The following TOX variants were observed in gnomAD, a reference collection of about 807,000 sequenced individuals.
TOX encodes the protein thymocyte selection-associated high mobility group box protein TOX.
A neutral mutation model predicts 53.7 loss-of-function variants in TOX; 11 were observed. The ratio of observed to expected loss-of-function variants is 0.20; its 90% CI spans 0.13 to 0.34. TOX has a LOEUF of 0.34. Among genes scored for constraint, TOX ranks in the 10% least tolerant of loss-of-function variants. The probability of loss-of-function intolerance (pLI) is 1.00; values close to 1 mark genes in which losing one functional copy is unlikely to be tolerated. For synonymous variants in TOX, 225 were observed against 245.3 expected (o/e 0.92, Z 0.77); for missense variants, 570 against 664.6 (o/e 0.86, Z 1.56).
intron 6 of TOX, among the ~76,000 whole-genome samples, chr8:58,816,063 A>G (rs1231248177): frequency 1.3e-5 from 2 of 152,210 alleles, no homozygotes; most frequent in East Asian, 3.8e-4. Context: ...TGAATGCCCA[A>G]ATGGGAAACA....
rs562580816 is a variant in TOX at position 59,035,104 on chromosome 8, G to A, written c.103-75096C>T. Among the ~76,000 whole-genome samples the A allele has an allele frequency of 3.3e-5, 5 of 152,270 alleles. No individual in the cohort carries two copies. In the East Asian group the frequency reaches 7.7e-4, roughly 23 times the overall value. On this transcript the variant is annotated intron_variant, in intron 1 of 8. Transcript: ENST00000361421. ...TTCTAACTGCACCGCAACCACCCCA[G>A]TTTATCTTGAGTGCCACTTTCACAG... is the stretch of plus-strand genomic sequence containing the variant.
chr8:59,002,435 A>AT (rs532371784), intron 1 of TOX, among the ~76,000 whole-genome samples: 250 of 151,598 alleles, frequency 1.6e-3, no homozygotes, highest in South Asian at 8.5e-3. Flanking sequence ...TACTAAAAAT[A>AT]CAAAAAATTA....
chr8:59,063,591 T>G (rs1009881943), intron 1 of TOX, among the ~76,000 whole-genome samples: 3 of 152,078 alleles, frequency 2.0e-5, no homozygotes, highest in African/African-American at 4.8e-5. Flanking sequence ...GCCGGGCTAA[T>G]TTTTTATATT....
intron 1 of TOX, among the ~76,000 whole-genome samples, chr8:58,980,289 C>A (rs945493367): frequency 1.3e-5 from 2 of 152,148 alleles, no homozygotes; most frequent in Admixed American, 1.3e-4. Flanking sequence ...ATGGACTGTT[C>A]TCTAACACAG....
intron 3 of TOX, among the ~76,000 whole-genome samples, chr8:58,908,548 G>C (rs1044615245): frequency 6.6e-5 from 10 of 152,120 alleles, no homozygotes; most frequent in African/African-American, 2.2e-4. Context: ...AGGCATTCTT[G>C]AATACTGCTG....
intron 3 of TOX, among the ~76,000 whole-genome samples, chr8:58,898,499 A>C (rs16924220): frequency 0.011 from 1,680 of 152,290 alleles, 38 homozygotes; most frequent in African/African-American, 0.038. Context: ...ACTGTTTCTC[A>C]GTTTGAGGAA....
chr8:59,111,958 A>G (rs1391301227), intron 1 of TOX, among the ~76,000 whole-genome samples: 1 of 152,230 alleles, frequency 6.6e-6, no homozygotes, highest in Non-Finnish European at 1.5e-5. Flanking sequence ...CCCTGGTTTC[A>G]TGACCTTTGA....
intron 3 of TOX, among the ~76,000 whole-genome samples, chr8:58,891,617 G>C (rs1441269663): frequency 6.6e-6 from 1 of 152,156 alleles, no homozygotes. Context: ...TGAAAACAGA[G>C]ACCCTTCAGG....
At chr8:58,879,879 T>C (rs10113676) in intron 3 of TOX, among the ~76,000 whole-genome samples, 31,298 of 152,176 alleles carry the variant, frequency 0.21, 3,555 homozygotes, top group African/African-American at 0.29. Context: ...GCCACCCACA[T>C]GTAATATGTC....
chr8:58,820,522 C>T (rs937225718), intron 6 of TOX, among the ~76,000 whole-genome samples: 4 of 152,182 alleles, frequency 2.6e-5, no homozygotes, highest in Non-Finnish European at 5.9e-5. Flanking sequence ...AGCTTCCCTA[C>T]TGGAATTCTC....
At chr8:58,994,408 G>C (rs1813516117) in intron 1 of TOX, among the ~76,000 whole-genome samples, 1 of 150,012 alleles carries the variant, frequency 6.7e-6, no homozygotes, top group South Asian at 2.2e-4. Context: ...GTGTGTGTGT[G>C]TGTGTGTGTG....
chr8:58,963,306 G>GATAGATAGATATATAT (rs1244881035), intron 1 of TOX, among the ~76,000 whole-genome samples: 2 of 131,584 alleles, frequency 1.5e-5, no homozygotes, highest in African/African-American at 2.8e-5. Flanking sequence ...TAGATAGATA[G>GATAGATAGATATATAT]ATATATATAT....
intron 3 of TOX, among the ~76,000 whole-genome samples, chr8:58,865,183 T>G (rs770115631): frequency 7.2e-5 from 11 of 152,166 alleles, no homozygotes; most frequent in Non-Finnish European, 1.0e-4. Context: ...TGTAAGCTTT[T>G]AAAATTGTGT....
chr8:58,924,406 C>T (rs950583463), intron 3 of TOX, among the ~76,000 whole-genome samples: 20 of 152,252 alleles, frequency 1.3e-4, no homozygotes, highest in Non-Finnish European at 2.6e-4. Context: ...CAAATACTCA[C>T]TCGAAGATTC....
chr8:58,842,522 T>G (rs1810662445), intron 4 of TOX, among the ~76,000 whole-genome samples: 1 of 152,188 alleles, frequency 6.6e-6, no homozygotes. Flanking sequence ...CAAAATGGAC[T>G]AAGACAATTT....
intron 1 of TOX, among the ~76,000 whole-genome samples, chr8:58,978,363 T>C (rs531825420): frequency 1.6e-4 from 25 of 152,340 alleles, no homozygotes; most frequent in Admixed American, 1.6e-3. Context: ...GGCAGACATC[T>C]GGGAGGAGTT....
intron 3 of TOX, among the ~76,000 whole-genome samples, chr8:58,930,686 C>T (rs1164645674): frequency 6.6e-6 from 1 of 152,192 alleles, no homozygotes; most frequent in Non-Finnish European, 1.5e-5. Flanking sequence ...CATACCCCTA[C>T]ACATGCCTGG....
intron 5 of TOX, among the ~76,000 whole-genome samples, 187 bp downstream of exon 5, chr8:58,837,894 A>G (rs34370780): frequency 5.9e-5 from 9 of 152,340 alleles, no homozygotes; most frequent in Non-Finnish European, 1.0e-4. Context: ...TCAACATGCT[A>G]TTTATGGAGG....
intron 1 of TOX, among the ~76,000 whole-genome samples, chr8:58,971,664 A>T (rs750973225): frequency 7.6e-5 from 11 of 144,490 alleles, no homozygotes; most frequent in Non-Finnish European, 1.7e-4. Flanking sequence ...GGTCTTTAAT[A>T]TGGAAAGTTA....
Sources: gnomAD v4.1 joint callset for allele counts (sites outside exome capture counted in the v4.1 genomes callset) on GRCh38, gnomAD v4.1.1 for gene constraint, MANE v1.5 for transcripts, NCBI Gene and HGNC (gene_info 2026-07-23, HGNC 2026-07-21) for gene names.